The following CDC42SE2 variants were observed in gnomAD, a reference collection of about 807,000 sequenced individuals.
CDC42SE2 encodes the protein CDC42 small effector 2, also known as CDC42 small effector protein 2.
Under a neutral mutation model 11.5 loss-of-function variants are expected in CDC42SE2, and 3 were observed. That is an observed-to-expected ratio of 0.26 (90% CI 0.12 to 0.67). The LOEUF (loss-of-function observed/expected upper bound fraction) is 0.67. Among genes scored for constraint, CDC42SE2 ranks in the 30% least tolerant of loss-of-function variants. CDC42SE2 has a pLI of 0.80. For missense variants in CDC42SE2, 82 were observed against 106.8 expected (o/e 0.77, Z 1.02); for synonymous variants, 33 against 34.8 (o/e 0.95, Z 0.18).
chr5:131,345,894 A>C (rs1758830715), intron 2 of CDC42SE2, among the ~76,000 whole-genome samples: 1 of 152,204 alleles, frequency 6.6e-6, no homozygotes, highest in Admixed American at 6.5e-5. Flanking sequence ...ATATCCAGCC[A>C]AACTAAGCTT....
the CDC42SE2 span, among the ~76,000 whole-genome samples, chr5:131,212,908 C>T: frequency 1.3e-5 from 2 of 151,696 alleles, no homozygotes; most frequent in Non-Finnish European, 2.9e-5. Context: ...AATAATAATC[C>T]GGCTGGGCAT....
intron 1 of CDC42SE2, among the ~76,000 whole-genome samples, chr5:131,279,999 C>G (rs532907121): frequency 1.3e-5 from 2 of 152,262 alleles, no homozygotes; most frequent in East Asian, 1.9e-4. Flanking sequence ...CCTAGGATGT[C>G]AAGGCTTCAG....
At chr5:131,243,353 G>T (rs1359355824), upstream of CDC42SE2, among the ~76,000 whole-genome samples, 3 of 152,312 alleles carry the variant, frequency 2.0e-5, no homozygotes, top group African/African-American at 7.2e-5. Context: ...GCCAAGGTGG[G>T]TGGATCACGA....
At position 131,358,097 on chromosome 5, in the gene CDC42SE2, C is replaced by T. The variant is rs2149769239; in HGVS notation, c.-285-1112C>T. On this transcript the variant is annotated intron_variant, in intron 2 of 4. Coordinates refer to ENST00000505065, the MANE Select transcript of CDC42SE2 (RefSeq NM_001375635.1). ...CTTACTCAGAGGACTCTGTTGAGCA[C>T]ACTTTGCTTGTCATGATACCGTTTT... Among the ~76,000 whole-genome samples the T allele has an allele frequency of 2.0e-5, 3 of 152,338 alleles. 1 individual carries two copies. Among genetic ancestry groups the T allele is most frequent in the Non-Finnish European group, 4.4e-5 (3 of 68,032 alleles).
chr5:131,287,204 A>G (rs1302544784), intron 1 of CDC42SE2, among the ~76,000 whole-genome samples: 1 of 151,998 alleles, frequency 6.6e-6, no homozygotes, highest in East Asian at 1.9e-4. Flanking sequence ...CATGTTGGCC[A>G]TGCTGGTCTC....
At chr5:131,337,412 G>A (rs1199683847) in intron 2 of CDC42SE2, among the ~76,000 whole-genome samples, 1 of 152,172 alleles carries the variant, frequency 6.6e-6, no homozygotes, top group Non-Finnish European at 1.5e-5. Context: ...GCTGCTCGTG[G>A]GTCAGGGACC....
intron 1 of CDC42SE2, among the ~76,000 whole-genome samples, chr5:131,266,460 C>CTTTTTTTTTTTT (rs913283936): frequency 1.6e-5 from 2 of 128,198 alleles, no homozygotes; most frequent in East Asian, 2.3e-4. Flanking sequence ...TTTTTTTTTT[C>CTTTTTTTTTTTT]TTTTTTTTTT....
At chr5:131,277,579 A>G (rs948808068) in intron 1 of CDC42SE2, among the ~76,000 whole-genome samples, 2 of 152,204 alleles carry the variant, frequency 1.3e-5, no homozygotes, top group East Asian at 1.9e-4. Context: ...CTAACAGCCT[A>G]TTATCTCACC....
chr5:131,235,881 A>T, the CDC42SE2 span, among the ~76,000 whole-genome samples: 1 of 152,096 alleles, frequency 6.6e-6, no homozygotes, highest in Non-Finnish European at 1.5e-5. Context: ...GGTGTGAGCC[A>T]CCGCACCCGG....
chr5:131,273,727 C>A (rs368393214), intron 1 of CDC42SE2, among the ~76,000 whole-genome samples: 1 of 150,266 alleles, frequency 6.7e-6, no homozygotes, highest in East Asian at 2.0e-4. Context: ...GAGCCAAGAT[C>A]GCACCACTGC....
chr5:131,307,950 G>T (rs1442443340), intron 1 of CDC42SE2, among the ~76,000 whole-genome samples: 1 of 152,178 alleles, frequency 6.6e-6, no homozygotes, highest in Non-Finnish European at 1.5e-5. Flanking sequence ...TGAGTTCCCT[G>T]TAGATTCTGG....
chr5:131,304,309 T>C (rs1757739456), intron 1 of CDC42SE2, among the ~76,000 whole-genome samples: 1 of 152,082 alleles, frequency 6.6e-6, no homozygotes, highest in Non-Finnish European at 1.5e-5. Context: ...TGGTTAAATT[T>C]AGCTAAGGAA....
chr5:131,274,124 A>G (rs569674016), intron 1 of CDC42SE2, among the ~76,000 whole-genome samples: 4 of 152,178 alleles, frequency 2.6e-5, no homozygotes, highest in South Asian at 2.1e-4. Context: ...TCTGTTTCCT[A>G]CCTCCAGACT....
intron 1 of CDC42SE2, among the ~76,000 whole-genome samples, chr5:131,295,844 G>A (rs996905631): frequency 3.3e-5 from 5 of 152,092 alleles, no homozygotes; most frequent in East Asian, 1.9e-4. Context: ...CACCGTGCCC[G>A]GCTAAGTTTT....
chr5:131,339,851 A>T (rs569194870), intron 2 of CDC42SE2, among the ~76,000 whole-genome samples: 11 of 152,146 alleles, frequency 7.2e-5, no homozygotes, highest in Non-Finnish European at 1.3e-4. Context: ...TCATTGAACT[A>T]AAAGAGTCAT....
At chr5:131,311,231 G>T (rs1279458389) in intron 1 of CDC42SE2, among the ~76,000 whole-genome samples, 3 of 150,572 alleles carry the variant, frequency 2.0e-5, no homozygotes, top group East Asian at 3.9e-4. Context: ...TGCAATTCTG[G>T]GTTGAAAATT....
At chr5:131,268,282 C>G (rs1756914512) in intron 1 of CDC42SE2, among the ~76,000 whole-genome samples, 1 of 151,774 alleles carries the variant, frequency 6.6e-6, no homozygotes, top group Non-Finnish European at 1.5e-5. Context: ...AGGCTGATCT[C>G]AAACTCTTGA....
At chr5:131,252,550 G>C (rs983359847) in intron 1 of CDC42SE2, among the ~76,000 whole-genome samples, 6 of 152,286 alleles carry the variant, frequency 3.9e-5, no homozygotes, top group South Asian at 2.1e-4. Context: ...CCAGCTACTC[G>C]GGAGGCTGAG....
upstream of CDC42SE2, among the ~76,000 whole-genome samples, chr5:131,261,033 A>C (rs1756720717): frequency 6.6e-6 from 1 of 152,268 alleles, no homozygotes; most frequent in African/African-American, 2.4e-5. Context: ...AAGATTGCAG[A>C]ATCAGGCCAA....
Sources: allele counts gnomAD v4.1 joint callset (sites outside exome capture counted in the v4.1 genomes callset), GRCh38; gene constraint gnomAD v4.1.1; transcripts MANE v1.5; gene names NCBI Gene and HGNC (gene_info 2026-07-23, HGNC 2026-07-21).